NDUFA5: variants seen among roughly 807,000 people sequenced by gnomAD.
The protein encoded by NDUFA5 is NADH:ubiquinone oxidoreductase subunit A5, also known as NADH dehydrogenase [ubiquinone] 1 alpha subcomplex subunit 5.
Under a neutral mutation model 19.8 loss-of-function variants are expected in NDUFA5, and 11 were observed. The ratio of observed to expected loss-of-function variants is 0.56; its 90% confidence interval spans 0.35 to 0.92. The LOEUF is 0.92. NDUFA5 is among the 40% of genes least tolerant of loss of function. The pLI is 0.01. For missense variants in NDUFA5, 109 were observed against 134.2 expected, an observed-to-expected ratio of 0.81 and a Z score of 0.93; for synonymous variants, 47 against 46.8, an observed-to-expected ratio of 1.00 and a Z score of -0.01.
At chr7:123,576,764 T>C in the NDUFA5 span, among the ~76,000 whole-genome samples, 1 of 152,184 alleles carries the variant, frequency 6.6e-6, no homozygotes, top group South Asian at 2.1e-4. Flanking sequence ...CTTTAGAAAG[T>C]ATATTTTTGT....
the NDUFA5 span, among the ~76,000 whole-genome samples, chr7:123,578,972 T>C: frequency 2.0e-5 from 3 of 152,098 alleles, no homozygotes; most frequent in Non-Finnish European, 2.9e-5. Context: ...TATTGTATAA[T>C]GCTGGGGTTT....
chr7:123,581,005 G>A, the NDUFA5 span, among the ~76,000 whole-genome samples: 34 of 151,946 alleles, frequency 2.2e-4, no homozygotes, highest in Non-Finnish European at 4.1e-4. Context: ...GTCCATTCCT[G>A]TGTGACTCTC....
At chr7:123,555,888 A>G (rs1399604498) in intron 2 of NDUFA5, 2 of 152,220 alleles carry the variant, frequency 1.3e-5, no homozygotes, top group African/African-American at 2.4e-5. Context: ...GACCTACCTC[A>G]TATTTTAACA....
intron 2 of NDUFA5, among the ~76,000 whole-genome samples, chr7:123,552,636 T>TAAAAAAAAAAAAAAAAA (rs774901648): frequency 4.5e-5 from 3 of 67,410 alleles, no homozygotes; most frequent in Non-Finnish European, 5.9e-5. Flanking sequence ...AAAGTATAAC[T>TAAAAAAAAAAAAAAAAA]AAAAAAAAAA....
the NDUFA5 span, among the ~76,000 whole-genome samples, chr7:123,587,864 A>C: frequency 7.3e-5 from 11 of 151,704 alleles, no homozygotes; most frequent in African/African-American, 2.4e-4. Flanking sequence ...GTTAAATTAT[A>C]CTTGCATCCC....
At chr7:123,585,325 A>G in the NDUFA5 span, among the ~76,000 whole-genome samples, 1 of 151,732 alleles carries the variant, frequency 6.6e-6, no homozygotes, top group Admixed American at 6.6e-5. Context: ...TTATCCAAGC[A>G]GAAGAGACAA....
chr7:123,590,745 T>G, the NDUFA5 span, among the ~76,000 whole-genome samples: 1 of 152,190 alleles, frequency 6.6e-6, no homozygotes. Flanking sequence ...TGCCTCCAAC[T>G]TTGTTCTATT....
upstream of NDUFA5, among the ~76,000 whole-genome samples, chr7:123,561,933 T>C (rs990919845): frequency 1.3e-5 from 2 of 151,814 alleles, no homozygotes; most frequent in African/African-American, 4.8e-5. Flanking sequence ...TCTAGTGTGG[T>C]CAGTTCTTTC....
the NDUFA5 span, among the ~76,000 whole-genome samples, chr7:123,568,562 A>T: frequency 1.3e-5 from 2 of 151,590 alleles, no homozygotes; most frequent in African/African-American, 4.8e-5. Flanking sequence ...CTATGGGAGG[A>T]TTGAATATTA....
chr7:123,596,030 G>A, the NDUFA5 span, among the ~76,000 whole-genome samples: 4 of 152,102 alleles, frequency 2.6e-5, no homozygotes, highest in Non-Finnish European at 5.9e-5. Context: ...AGCCAAATAT[G>A]TAGTAAATAC....
chr7:123,558,028 G>C (rs1270709598), upstream of NDUFA5: 2 of 669,690 alleles, frequency 3.0e-6, no homozygotes, highest in East Asian at 2.8e-5. Context: ...GGAAAGAAAG[G>C]GTTTCCCAGC....
chr7:123,570,097 C>T, the NDUFA5 span, among the ~76,000 whole-genome samples: 100 of 143,598 alleles, frequency 7.0e-4, no homozygotes, highest in Non-Finnish European at 9.7e-4. Flanking sequence ...TGCAGTGGCA[C>T]GATCTCGGCT....
At chr7:123,582,095 A>C in the NDUFA5 span, among the ~76,000 whole-genome samples, 30 of 151,966 alleles carry the variant, frequency 2.0e-4, no homozygotes, top group African/African-American at 7.2e-4. Context: ...CAAAACAAGG[A>C]AAGGGAGGAG....
the NDUFA5 span, among the ~76,000 whole-genome samples, chr7:123,576,326 T>A: frequency 6.6e-6 from 1 of 151,966 alleles, no homozygotes; most frequent in Non-Finnish European, 1.5e-5. Context: ...TTTTTATATA[T>A]GAAGTTGTGT....
intron 4 of NDUFA5, among the ~76,000 whole-genome samples, chr7:123,544,472 T>C (rs1584687679): frequency 8.0e-6 from 1 of 124,948 alleles, no homozygotes; most frequent in Non-Finnish European, 1.6e-5. Context: ...CACTCCAGCC[T>C]GGGCAACAAG....
chr7:123,579,447 C>A, the NDUFA5 span, among the ~76,000 whole-genome samples: 5 of 152,012 alleles, frequency 3.3e-5, no homozygotes, highest in African/African-American at 4.8e-5. Context: ...TCTATGAATT[C>A]TTTTGTATTA....
At chr7:123,593,532 C>T in the NDUFA5 span, among the ~76,000 whole-genome samples, 1 of 152,010 alleles carries the variant, frequency 6.6e-6, no homozygotes, top group African/African-American at 2.4e-5. Context: ...ACTTACAAAG[C>T]TTAGTTTGGC....
At chr7:123,542,396 T>C (rs1276105010) in intron 4 of NDUFA5, among the ~76,000 whole-genome samples, 176 bp from the exon 5 acceptor site, 1 of 152,200 alleles carries the variant, frequency 6.6e-6, no homozygotes, top group East Asian at 1.9e-4. Flanking sequence ...ATCTACATAA[T>C]CAGGAGTAAG....
the NDUFA5 span, among the ~76,000 whole-genome samples, chr7:123,567,829 C>A: frequency 7.9e-5 from 12 of 151,576 alleles, no homozygotes; most frequent in African/African-American, 2.9e-4. Context: ...AAAAAAAAAA[C>A]AAACATTCTG....
Sources: allele counts gnomAD v4.1 joint callset (sites outside exome capture counted in the v4.1 genomes callset), GRCh38; gene constraint gnomAD v4.1.1; transcripts MANE v1.5; gene names NCBI Gene and HGNC (gene_info 2026-07-23, HGNC 2026-07-21).